Variants in HNRNPH2 observed in about 807,000 individuals in gnomAD.
The protein encoded by HNRNPH2 is heterogeneous nuclear ribonucleoprotein H2.
For synonymous variants in HNRNPH2, 128 were observed against 128.2 expected (o/e 1.00, Z 0.01); for missense variants, 115 against 352.9 (o/e 0.33, Z 5.40).
rs372055912 is a variant in HNRNPH2, at chrX:101,411,919, C to CTTT, written c.-53-6_-53-4dup. 27 of 929,760 alleles carry CTTT rather than the reference C, an allele frequency of 2.9e-5. No homozygotes were observed. Among genetic ancestry groups the CTTT allele is most frequent in the South Asian group, 1.9e-4 (7 of 37,439 alleles). 76.6% of individuals were successfully genotyped at this position (929,760 alleles called of 1,213,427 possible). ...AGCATTTTTCCATGACAGTAGTCTTCTTTTTTTTTTTTTCAGCTACACCAA... is the reference window on the plus strand; with the variant it reads ...AGCATTTTTCCATGACAGTAGTCTTCTTTTTTTTTTTTTTTTCAGCTACACCAA... On this transcript the variant is annotated splice_polypyrimidine_tract_variant and intron_variant, in intron 1 of 1. Coordinates refer to ENST00000316594, the MANE Select transcript of HNRNPH2 (RefSeq NM_019597.5).
chrX:101,408,963 CAT>C (rs1371608815), intron 1 of HNRNPH2, among the ~76,000 whole-genome samples: 4 of 111,485 alleles, frequency 3.6e-5, no homozygotes, highest in African/African-American at 1.3e-4. Flanking sequence ...GTATAACACA[CAT>C]ATAAATACAC....
chrX:101,411,388 T>C (rs1302723359), intron 1 of HNRNPH2, among the ~76,000 whole-genome samples: 1 of 104,512 alleles, frequency 9.6e-6, no homozygotes, highest in African/African-American at 3.6e-5. Context: ...CATCTCCCAC[T>C]GATTTGTTGC....
At chrX:101,409,602 A>C (rs782089931) in intron 1 of HNRNPH2, among the ~76,000 whole-genome samples, 1 of 112,231 alleles carries the variant, frequency 8.9e-6, no homozygotes, top group South Asian at 3.6e-4. Flanking sequence ...TCTAACTTAA[A>C]AAGAAAAAAT....
At position 101,412,022 on chromosome X, in the gene HNRNPH2, G is replaced by C; in HGVS notation, c.34G>C (p.Val12Leu). ...GAGCACGGAAGGCAGGGAGGGGTTC[G>C]TGGTGAAGGTCAGGGGCCTACCCTG... ...MLSTEGREGF[V>L]VKVRGLPWSC... Residue 12 changes from valine to leucine, a missense_variant, in exon 2 of 2, where the codon GTG (valine) becomes CTG (leucine). By Grantham distance (32) the Val-to-Leu change is conservative. Coordinates refer to ENST00000316594, the MANE Select transcript of HNRNPH2 (RefSeq NM_019597.5). 1 of 1,209,646 alleles carries C rather than the reference G, an allele frequency of 8.3e-7. No homozygotes were observed. The highest frequency in any genetic ancestry group is 1.1e-6 in the Non-Finnish European group (1 of 895,042).
In HNRNPH2 at chrX:101,413,480, C is replaced by A; in HGVS notation, c.*142C>A. The A allele has an allele frequency of 4.4e-6, 2 of 453,535 alleles. No individual in the cohort carries two copies. The highest frequency in any genetic ancestry group is 7.2e-6 in the Non-Finnish European group (2 of 278,411). 37.4% of individuals were successfully genotyped at this position (453,535 alleles called of 1,213,427 possible). ...ATTGATTCTGATCACTCTTGGTCAG[C>A]TTCTCTTTCTTTATCTTTCTTTCTC... On this transcript the variant is annotated 3_prime_UTR_variant, in exon 2 of 2. Coordinates refer to ENST00000316594, the MANE Select transcript of HNRNPH2 (RefSeq NM_019597.5).
chrX:101,409,122 C>CG (rs1462705488), intron 1 of HNRNPH2, among the ~76,000 whole-genome samples: 1 of 97,351 alleles, frequency 1.0e-5, no homozygotes, highest in African/African-American at 4.0e-5. Flanking sequence ...TTAAATGGGA[C>CG]GGGTTATCCC....
intron 1 of HNRNPH2, among the ~76,000 whole-genome samples, chrX:101,408,689 TTGTC>T (rs1928654984): frequency 1.8e-5 from 2 of 111,254 alleles, no homozygotes; most frequent in Admixed American, 1.9e-4. Context: ...CACTGCCTGA[TTGTC>T]TGTAAGGGGA....
chrX:101,413,068 C>T lies in HNRNPH2; in HGVS notation c.1080C>T (p.Phe360=), dbSNP rs1928854375. The T allele has an allele frequency of 3.3e-6, 4 of 1,211,898 alleles. No homozygotes were observed. Among genetic ancestry groups the T allele is most frequent in the Non-Finnish European group, 4.5e-6 (4 of 895,477 alleles). ...ANMQHRYVEL[F]LNSTAGTSGG... ...TGCAACACAGATATGTGGAGCTCTT[C>T]TTAAATTCTACTGCAGGAACAAGTG... The change falls in exon 2 of 2, where the codon TTC becomes TTT. Residue 360 remains phenylalanine (F), a synonymous_variant. Transcript: ENST00000316594.
Position 101,413,260 on chromosome X carries a change from T to C in HNRNPH2, c.1272T>C (p.Tyr424=). 8.3e-7 allele frequency: 1 copy of C among 1,209,937 alleles called. No homozygotes were observed. The highest frequency in any genetic ancestry group is 1.8e-5 in the South Asian group (1 of 56,781). The part of the protein sequence containing the change: ...QQLSGGYGGG[Y]GGQSSMSGYD... Reference sequence around the variant, plus strand: ...TGAGTGGTGGTTATGGAGGTGGTTATGGTGGTCAGAGCAGTATGAGTGGAT... The same window carrying C: ...TGAGTGGTGGTTATGGAGGTGGTTACGGTGGTCAGAGCAGTATGAGTGGAT... Residue 424 remains tyrosine, a synonymous_variant, in exon 2 of 2, where the codon TAT becomes TAC. Coordinates refer to ENST00000316594, the MANE Select transcript of HNRNPH2 (RefSeq NM_019597.5).
At position 101,412,777 on chromosome X, in the gene HNRNPH2, C is replaced by A; in HGVS notation, c.789C>A (p.Asp263Glu). The A allele has an allele frequency of 8.3e-7, 1 of 1,209,186 alleles. No individual in the cohort carries two copies. Among genetic ancestry groups the A allele is most frequent in the Admixed American group, 2.2e-5 (1 of 45,975 alleles). ...TTGGGTCTGATAGATTTGGAAGAGA[C>A]CTCAATTACTGTTTTTCAGGAATGT... The part of the protein sequence containing the change: ...YGFGSDRFGR[D>E]LNYCFSGMSD... Residue 263 changes from aspartate (D) to glutamate (E), a missense_variant, in exon 2 of 2, where the codon GAC becomes GAA. By Grantham distance (45) the Asp-to-Glu change is conservative (BLOSUM62 2). Transcript: ENST00000316594.
chrX:101,413,486 T>C lies in HNRNPH2; in HGVS notation c.*148T>C, dbSNP rs1928871867. On this transcript the variant is annotated 3_prime_UTR_variant, in exon 2 of 2. Transcript: ENST00000316594. ...TCTGATCACTCTTGGTCAGCTTCTC[T>C]TTCTTTATCTTTCTTTCTCCTTTTT... 9.4e-6 allele frequency: 4 copies of C among 424,055 alleles called. No homozygotes were observed. The highest frequency in any genetic ancestry group is 1.6e-5 in the Non-Finnish European group (4 of 257,089). The allele number at this position is 424,055 out of a possible 1,213,427, so 34.9% of individuals were successfully genotyped here. A position where few individuals can be genotyped will look rare whatever the true frequency, so the allele number is the denominator to read the frequency against.
In HNRNPH2 at chrX:101,413,512, T is replaced by TA. The variant is rs782321531; in HGVS notation, c.*176dup. ...TTCTTTATCTTTCTTTCTCCTTTTT[T>TA]AAGAAAACGAGTTAAGTTTAACAGT... On this transcript the variant is annotated 3_prime_UTR_variant, in exon 2 of 2. Coordinates refer to ENST00000316594, the MANE Select transcript of HNRNPH2 (RefSeq NM_019597.5). The TA allele has an allele frequency of 7.4e-6, 3 of 407,103 alleles. No individual in the cohort carries two copies. The highest frequency in any genetic ancestry group is 8.4e-6 in the Non-Finnish European group (2 of 239,032). The allele number at this position is 407,103 out of a possible 1,213,427, so 33.5% of individuals were successfully genotyped here.
chrX:101,411,197 T>G (rs1276226189), intron 1 of HNRNPH2, among the ~76,000 whole-genome samples: 2 of 111,126 alleles, frequency 1.8e-5, no homozygotes, highest in African/African-American at 6.5e-5. Context: ...TTCATTTATC[T>G]CTGGAGCCCA....
In HNRNPH2 at chrX:101,412,005, A is replaced by C. The variant is rs1555988295; in HGVS notation, c.17A>C (p.Glu6Ala). 1 of 1,208,194 alleles carries C rather than the reference A, an allele frequency of 8.3e-7. No homozygotes were observed. The highest frequency in any genetic ancestry group is 2.2e-5 in the Admixed American group (1 of 45,556). MMLST[E>A]GREGFVVKVR... ...ACAATCACCATGATGCTGAGCACGGAAGGCAGGGAGGGGTTCGTGGTGAAG... is the reference window on the plus strand; with the variant it reads ...ACAATCACCATGATGCTGAGCACGGCAGGCAGGGAGGGGTTCGTGGTGAAG... Residue 6 changes from glutamate (E) to alanine (A), a missense_variant, in exon 2 of 2, where the codon GAA becomes GCA. Glu to Ala is a moderately radical substitution (Grantham distance 107). Transcript: ENST00000316594.
At chrX:101,411,111 C>G (rs1928776791) in intron 1 of HNRNPH2, among the ~76,000 whole-genome samples, 1 of 111,407 alleles carries the variant, frequency 9.0e-6, no homozygotes, top group South Asian at 3.7e-4. Context: ...TTCTTGTATG[C>G]CAGAGCCGAA....
At chrX:101,411,404 ATTTTTTTTTT>A (rs782617767) in intron 1 of HNRNPH2, among the ~76,000 whole-genome samples, 2 of 48,953 alleles carry the variant, frequency 4.1e-5, no homozygotes, top group African/African-American at 2.3e-4. Flanking sequence ...GTTGCTGTTA[ATTTTTTTTTT>A]TTTTTTTTTT....
At chrX:101,409,392 A>G (rs1331599843) in intron 1 of HNRNPH2, among the ~76,000 whole-genome samples, 1 of 112,359 alleles carries the variant, frequency 8.9e-6, no homozygotes, top group African/African-American at 3.2e-5. Context: ...TAAACCATCC[A>G]CATACAAAAT....
intron 1 of HNRNPH2, 115 bp from the exon 2 acceptor site, chrX:101,411,821 C>T (rs1394186298): frequency 1.1e-5 from 9 of 793,579 alleles, no homozygotes; most frequent in African/African-American, 4.2e-5. Context: ...TTTATACAGA[C>T]GTCTTACAGA....
In HNRNPH2 at chrX:101,412,852, G is replaced by A. The variant is rs1928849501; in HGVS notation, c.864G>A (p.Gly288=). Reference sequence around the variant, plus strand: ...GGTCCAGTTTCCAGAGCACCACAGGGCACTGTGTACACATGAGGGGGTTAC... The same window carrying A: ...GGTCCAGTTTCCAGAGCACCACAGGACACTGTGTACACATGAGGGGGTTAC... ...DGGSSFQSTT[G]HCVHMRGLPY... is the part of the protein sequence containing the mutation. The change falls in exon 2 of 2, where the codon GGG becomes GGA. Residue 288 remains glycine (G), a synonymous_variant. Transcript: ENST00000316594. The A allele has an allele frequency of 8.3e-7, 1 of 1,208,260 alleles. No homozygotes were observed. The highest frequency in any genetic ancestry group is 1.1e-6 in the Non-Finnish European group (1 of 893,875).
Sources: gnomAD v4.1 joint callset for allele counts (sites outside exome capture counted in the v4.1 genomes callset) on GRCh38, gnomAD v4.1.1 for gene constraint, MANE v1.5 for transcripts, NCBI Gene and HGNC (gene_info 2026-07-23, HGNC 2026-07-21) for gene names.